The following MAP3K4 variants were observed in gnomAD, a reference collection of about 807,000 sequenced individuals.
MAP3K4 encodes mitogen-activated protein kinase kinase kinase 4, also known as MAP three kinase 1.
MAP3K4 carries 67 observed loss-of-function variants against 185.6 expected under a neutral mutation model. The ratio of observed to expected loss-of-function variants is 0.36; its 90% CI spans 0.30 to 0.44. The LOEUF is 0.44. Ranked by LOEUF, MAP3K4 falls within the 20% of genes least tolerant of loss-of-function variation. The pLI is 1.00. For synonymous variants in MAP3K4, 702 were observed against 710.4 expected, an observed-to-expected ratio of 0.99 and a Z score of 0.19; for missense variants, 1,551 against 1,995.1, an observed-to-expected ratio of 0.78 and a Z score of 4.24.
At chr6:161,018,395 C>A (rs1782213632) in intron 1 of MAP3K4, among the ~76,000 whole-genome samples, 1 of 152,124 alleles carries the variant, frequency 6.6e-6, no homozygotes, top group African/African-American at 2.4e-5. Context: ...CACTTGAGTA[C>A]CAGTTGGTTG....
chr6:160,997,875 A>G (rs1781079567), intron 1 of MAP3K4, among the ~76,000 whole-genome samples: 1 of 152,080 alleles, frequency 6.6e-6, no homozygotes, highest in Non-Finnish European at 1.5e-5. Context: ...TGGGAGAGAG[A>G]AACGCGCATT....
chr6:161,068,544 G>T (rs1784802102), intron 3 of MAP3K4, among the ~76,000 whole-genome samples: 2 of 152,190 alleles, frequency 1.3e-5, no homozygotes, highest in East Asian at 1.9e-4. Flanking sequence ...AGGGCTGTCA[G>T]TGAAGCATTG....
chr6:161,067,783 TAAG>T lies in MAP3K4; in HGVS notation c.1708-2818_1708-2816del, dbSNP rs1481706271. 1.3e-5 allele frequency among the ~76,000 whole-genome samples: 2 copies of T among 152,238 alleles called. No individual in the cohort carries two copies. The highest frequency in any genetic ancestry group is 1.9e-4 in the East Asian group (1 of 5,200). On this transcript the variant is annotated intron_variant, in intron 3 of 26. Coordinates refer to ENST00000392142, the MANE Select transcript of MAP3K4 (RefSeq NM_005922.4). The surrounding 1 kb of genome is among the most constrained non-coding windows in gnomAD (Gnocchi z 6.3). The stretch of plus-strand genomic sequence containing the variant: ...TTTAATCTTGATGGTAATTTTATAC[TAAG>T]AAGAAGGCATATCCTCGTTTCTGTC...
At chr6:161,111,631 A>G (rs766342122) in intron 23 of MAP3K4, among the ~76,000 whole-genome samples, 16 of 152,210 alleles carry the variant, frequency 1.1e-4, no homozygotes, top group Admixed American at 8.5e-4. Flanking sequence ...GGCTACCTGC[A>G]CTGGTGTTAA....
chr6:161,091,354 A>T lies in MAP3K4; in HGVS notation c.2974-25A>T, dbSNP rs1485295733. 2.5e-6 allele frequency: 4 copies of T among 1,596,086 alleles called. No homozygotes were observed. Among genetic ancestry groups the T allele is most frequent in the Non-Finnish European group, 3.4e-6 (4 of 1,169,988 alleles). On this transcript the variant is annotated intron_variant, in intron 11 of 26. Coordinates refer to ENST00000392142, the MANE Select transcript of MAP3K4 (RefSeq NM_005922.4). The surrounding 1 kb of genome is among the most constrained non-coding windows in gnomAD (Gnocchi z 5.5). ...TATTGTATGATTTGCTTCATTTTGC[A>T]TTAATCATGGTTTGGACTCTTCAGA... is the stretch of plus-strand genomic sequence containing the variant.
rs1320002645 is a variant in MAP3K4, at chr6:161,097,318, A to G, written c.3524+142A>G. Reference sequence around the variant, plus strand: ...GTACGTAAAAGCTCTTACTTGCATTATCTTGAAACCTTTAGTCGCAAAAGA... The same window carrying G: ...GTACGTAAAAGCTCTTACTTGCATTGTCTTGAAACCTTTAGTCGCAAAAGA... On this transcript the variant is annotated intron_variant, in intron 16 of 26. Transcript: ENST00000392142. The surrounding 1 kb of genome is among the most constrained non-coding windows in gnomAD (Gnocchi z 4.9). The G allele has an allele frequency of 6.4e-6, 4 of 621,830 alleles. No individual in the cohort carries two copies. The African/African-American group carries it at 7.3e-5, about 11-fold the overall frequency. 38.5% of individuals were successfully genotyped at this position (621,830 alleles called of 1,614,324 possible). A position where few individuals can be genotyped will look rare whatever the true frequency, so the allele number is the denominator to read the frequency against.
Position 161,048,303 on chromosome 6 carries a change from C to G in MAP3K4, c.344-313C>G, listed in dbSNP as rs542026393. ...TCCTTAAATTGAAGGTGATTACTTACGGAAATTTGGTTAAATGATTTGATA... is the reference window on the plus strand; with the variant it reads ...TCCTTAAATTGAAGGTGATTACTTAGGGAAATTTGGTTAAATGATTTGATA... On this transcript the variant is annotated intron_variant, in intron 2 of 26. Coordinates refer to ENST00000392142, the MANE Select transcript of MAP3K4 (RefSeq NM_005922.4). The surrounding 1 kb of genome is among the most constrained non-coding windows in gnomAD (Gnocchi z 4.7). The G allele has an allele frequency of 1.8e-6, 1 of 570,148 alleles. No individual in the cohort carries two copies. Among genetic ancestry groups the G allele is most frequent in the Non-Finnish European group, 3.5e-6 (1 of 285,988 alleles). The allele number at this position is 570,148 out of a possible 1,614,324, so 35.3% of individuals were successfully genotyped here.
chr6:161,102,820 A>AC (rs1777895356), intron 19 of MAP3K4, 41 bp downstream of exon 19: 2 of 1,359,916 alleles, frequency 1.5e-6, no homozygotes, highest in Non-Finnish European at 2.0e-6. Flanking sequence ...AAAAAAAAAA[A>AC]AAAACACGAT....
rs1247567173 is a variant in MAP3K4 at position 161,008,015 on chromosome 6, A to G, written c.152+15932A>G. ...TTTTATGTGATAAATATGGTAAGGC[A>G]TAGCTATTGTCTTCTATAAAATTCT... On this transcript the variant is annotated intron_variant, in intron 1 of 26. Transcript: ENST00000392142. This position sits in a 1 kb window ranked among gnomAD's most constrained non-coding sequence, Gnocchi z 4.1. Among the ~76,000 whole-genome samples, 1 of 152,224 alleles carries G rather than the reference A, an allele frequency of 6.6e-6. No homozygotes were observed. The highest frequency in any genetic ancestry group is 1.9e-4 in the East Asian group (1 of 5,204).
rs1271109027 is a variant in MAP3K4 at position 161,098,260 on chromosome 6, C to G, written c.3525-18C>G. On this transcript the variant is annotated intron_variant, in intron 16 of 26. Transcript: ENST00000392142. This position sits in a 1 kb window ranked among gnomAD's most constrained non-coding sequence, Gnocchi z 4.4. ...CCTCTTCTCACATGTGTTCCTGAAG[C>G]TTTTCTTCTTGTCTTAGCACTCGGA... is the stretch of plus-strand genomic sequence containing the variant. 6.2e-7 allele frequency: 1 copy of G among 1,605,706 alleles called. No individual in the cohort carries two copies. The highest frequency in any genetic ancestry group is 2.2e-5 in the East Asian group (1 of 44,600).
At chr6:161,079,223 A>AAG (rs1169317415) in intron 5 of MAP3K4, among the ~76,000 whole-genome samples, 1 of 150,270 alleles carries the variant, frequency 6.7e-6, no homozygotes, top group Non-Finnish European at 1.5e-5. Context: ...CAAGAAAAAA[A>AAG]AAAAAAAAAA....
In MAP3K4 at chr6:161,034,363, C is replaced by G. The variant is rs150383557; in HGVS notation, c.257C>G (p.Pro86Arg). The stretch of plus-strand genomic sequence containing the variant: ...GAGAATCTTTATGGTACCTCTCCCC[C>G]CAGCACACCTCGACAGATGAAACGC... The part of the protein sequence containing the change: ...NTENLYGTSP[P>R]STPRQMKRMS... The change falls in exon 2 of 27, where the codon CCC (proline) becomes CGC (arginine). Residue 86 changes from proline (P) to arginine (R), a missense_variant. By Grantham distance (103) the Pro-to-Arg change is moderately radical (BLOSUM62 -2). Around this residue, in one of 16 missense-constraint regions of MAP3K4, gnomAD observed 287 missense variants for 268.8 expected, o/e 1.07. Coordinates refer to ENST00000392142, the MANE Select transcript of MAP3K4 (RefSeq NM_005922.4). The surrounding 1 kb of genome is among the most constrained non-coding windows in gnomAD (Gnocchi z 4.4). 531 of 1,613,764 alleles carry G rather than the reference C, an allele frequency of 3.3e-4. 2 individuals carry two copies. Among genetic ancestry groups the G allele is most frequent in the South Asian group, 4.8e-4 (44 of 91,076 alleles).
At chr6:161,018,897 G>A (rs2061010391) in intron 1 of MAP3K4, among the ~76,000 whole-genome samples, 1 of 152,168 alleles carries the variant, frequency 6.6e-6, no homozygotes, top group African/African-American at 2.4e-5. Flanking sequence ...AATACGTTAC[G>A]TGAAATGATA....
At chr6:161,079,794 C>T (rs1385888341) in intron 5 of MAP3K4, among the ~76,000 whole-genome samples, 2 of 152,198 alleles carry the variant, frequency 1.3e-5, no homozygotes, top group Non-Finnish European at 2.9e-5. Flanking sequence ...TCACACCACA[C>T]ACCTGGAGGA....
rs1554287299 is a variant in MAP3K4, at chr6:161,107,050, G to GCGCA, written c.4048+346_4048+347insGCAC. On this transcript the variant is annotated intron_variant, in intron 20 of 26. Transcript: ENST00000392142. The surrounding 1 kb of genome is among the most constrained non-coding windows in gnomAD (Gnocchi z 6.2). ...TCTCTCTCTCTCTACACACGCGCGCGCACACACACACACACACACACACAC... is the reference window on the plus strand; with the variant it reads ...TCTCTCTCTCTCTACACACGCGCGCGCGCACACACACACACACACACACACACAC... 1.3e-4 allele frequency among the ~76,000 whole-genome samples: 14 copies of GCGCA among 105,252 alleles called. No individual in the cohort carries two copies. The highest frequency in any genetic ancestry group is 3.9e-4 in the South Asian group (1 of 2,596). The allele number at this position is 105,252 out of a possible 152,430, so 69.0% of individuals were successfully genotyped here. A position where few individuals can be genotyped will look rare whatever the true frequency, so the allele number is the denominator to read the frequency against.
At chr6:161,085,935 C>T (rs1286139513) in intron 7 of MAP3K4, among the ~76,000 whole-genome samples, 2 of 152,104 alleles carry the variant, frequency 1.3e-5, no homozygotes, top group Non-Finnish European at 2.9e-5. Flanking sequence ...TTGAAATTAG[C>T]TATGATGGGA....
At position 161,112,086 on chromosome 6, in the gene MAP3K4, G is replaced by A; in HGVS notation, c.4519+128G>A. ...GGTAAAGGTTTTCAGTCGTGAGAAG[G>A]ACCACTTCCTCACACACTTGGGCTC... On this transcript the variant is annotated intron_variant, in intron 24 of 26. Transcript: ENST00000392142. The surrounding 1 kb of genome is among the most constrained non-coding windows in gnomAD (Gnocchi z 5.1). The A allele has an allele frequency of 4.8e-6, 6 of 1,244,806 alleles. No homozygotes were observed. The highest frequency in any genetic ancestry group is 6.6e-6 in the Non-Finnish European group (6 of 911,366). 77.1% of individuals were successfully genotyped at this position (1,244,806 alleles called of 1,614,324 possible).
chr6:161,034,109 G>GT lies in MAP3K4; in HGVS notation c.153-146dup. On this transcript the variant is annotated intron_variant, in intron 1 of 26. Transcript: ENST00000392142. This position sits in a 1 kb window ranked among gnomAD's most constrained non-coding sequence, Gnocchi z 4.4. ...AGCAAAAGAAAAGTTCTCCTTTTGA[G>GT]TTTTCACAGGTAAAAATGAGGAGGA... 3.5e-6 allele frequency: 2 copies of GT among 567,078 alleles called. No homozygotes were observed. Among genetic ancestry groups the GT allele is most frequent in the South Asian group, 3.2e-5 (1 of 30,922 alleles). 35.1% of individuals were successfully genotyped at this position (567,078 alleles called of 1,614,324 possible). A position where few individuals can be genotyped will look rare whatever the true frequency, so the allele number is the denominator to read the frequency against.
chr6:161,061,071 A>T lies in MAP3K4; in HGVS notation c.1708-9537A>T, dbSNP rs1784467888. ...CTGTTTAGTGGGCAGATGAAAACAC[A>T]TACACAAAATGCATCACATGTCCTT... On this transcript the variant is annotated intron_variant, in intron 3 of 26. Coordinates refer to ENST00000392142, the MANE Select transcript of MAP3K4 (RefSeq NM_005922.4). The surrounding 1 kb of genome is among the most constrained non-coding windows in gnomAD (Gnocchi z 4.2). 6.6e-6 allele frequency among the ~76,000 whole-genome samples: 1 copy of T among 152,186 alleles called. No individual in the cohort carries two copies. The highest frequency in any genetic ancestry group is 1.5e-5 in the Non-Finnish European group (1 of 67,992).
Sources: allele counts gnomAD v4.1 joint callset (sites outside exome capture counted in the v4.1 genomes callset), GRCh38; gene constraint gnomAD v4.1.1; regional missense constraint gnomAD v4.1.1; non-coding constraint Gnocchi (gnomAD v3.1); transcripts MANE v1.5; gene names NCBI Gene and HGNC (gene_info 2026-07-23, HGNC 2026-07-21).